Variants in DDX5 observed in about 807,000 individuals in gnomAD.
DDX5 encodes the protein probable ATP-dependent RNA helicase DDX5.
DDX5 carries 6 observed loss-of-function variants against 68.6 expected under a neutral mutation model. The observed-to-expected ratio is 0.09, with a 90% CI of 0.05 to 0.17. DDX5 has a LOEUF of 0.17. Ranked by LOEUF, DDX5 falls within the 10% of genes least tolerant of loss-of-function variation. The pLI is 1.00. For synonymous variants in DDX5, 350 were observed against 247.0 expected (o/e 1.42, Z -3.91); for missense variants, 499 against 756.1 (o/e 0.66, Z 3.99).
At chr17:64,505,925 A>G (rs1170820663) in intron 1 of DDX5, 151 bp downstream of exon 1, 7 of 1,534,398 alleles carry the variant, frequency 4.6e-6, no homozygotes, top group South Asian at 1.2e-5. Flanking sequence ...TGTGACGTGA[A>G]TATCAAAATG....
chr17:64,504,429 C>T (rs1461991520), intron 2 of DDX5, 111 bp from the exon 3 acceptor site: 2 of 1,037,580 alleles, frequency 1.9e-6, no homozygotes, highest in African/African-American at 3.2e-5. Flanking sequence ...AAGTAGCCTT[C>T]ATTTTAATCT....
chr17:64,504,341 C>G, intron 2 of DDX5, 23 bp from the exon 3 acceptor site: 3 of 1,595,980 alleles, frequency 1.9e-6, no homozygotes, highest in Non-Finnish European at 2.6e-6. Flanking sequence ...TTATAACAGT[C>G]TTAAAATTCA....
chr17:64,502,751 G>T, intron 8 of DDX5, 175 bp downstream of exon 8: 1 of 753,892 alleles, frequency 1.3e-6, no homozygotes, highest in Non-Finnish European at 2.1e-6. Flanking sequence ...CTATAGGAAA[G>T]CTATAAATGG....
At chr17:64,506,444 C>T, upstream of DDX5, 18 of 1,327,844 alleles carry the variant, frequency 1.4e-5, no homozygotes, top group Non-Finnish European at 1.8e-5. Flanking sequence ...TCACCCCTCC[C>T]CGCGCCACTC....
intron 8 of DDX5, 145 bp from the exon 9 acceptor site, chr17:64,502,694 G>C (rs2144260186): frequency 2.7e-6 from 2 of 732,716 alleles, no homozygotes; most frequent in East Asian, 5.4e-5. Flanking sequence ...TTATCGAGCA[G>C]TTCGACCCTT....
Position 64,504,233 on chromosome 17 carries a change from G to A in DDX5, c.296C>T (p.Ala99Val), listed in dbSNP as rs1046732563. The A allele has an allele frequency of 6.2e-7, 1 of 1,613,910 alleles. No homozygotes were observed. Among genetic ancestry groups the A allele is most frequent in the Non-Finnish European group, 8.5e-7 (1 of 1,179,958 alleles). Residue 99 changes from alanine (A) to valine (V), a missense_variant, in exon 3 of 13, where the codon GCC (alanine) becomes GTC (valine). Coordinates refer to ENST00000225792, the MANE Select transcript of DDX5 (RefSeq NM_004396.5). Reference protein sequence around the residue: ...CPKPVLNFYEANFPANVMDVI... With the variant: ...CPKPVLNFYEVNFPANVMDVI... ...AAAGTAGCACTTACCAGGGAAATTG[G>A]CTTCATAAAAATTTAGAACTGGCTT...
rs781931667 is a variant in DDX5 at position 64,500,248 on chromosome 17, G to A, written c.1520C>T (p.Thr507Ile). 10 of 1,614,140 alleles carry A rather than the reference G, an allele frequency of 6.2e-6. No homozygotes were observed. The highest frequency in any genetic ancestry group is 3.3e-5 in the Admixed American group (2 of 60,014). The change falls in exon 13 of 13, where the codon ACC becomes ATC. Residue 507 changes from threonine (T) to isoleucine (I), a missense_variant. Physicochemically the swap from Thr to Ile is moderately conservative, Grantham distance 89 (BLOSUM62 -1). Coordinates refer to ENST00000225792, the MANE Select transcript of DDX5 (RefSeq NM_004396.5). ...GTCATAATTTTCCCTGTCTCTAAAG[G>A]TATTAAATCCACCCCTTTTGCCCGC... Reference protein sequence around the residue: ...YSAGKRGGFNTFRDRENYDRG... With the variant: ...YSAGKRGGFNIFRDRENYDRG...
chr17:64,502,919 A>C lies in DDX5; in HGVS notation c.983+7T>G. 2 of 1,574,282 alleles carry C rather than the reference A, an allele frequency of 1.3e-6. No individual in the cohort carries two copies. The highest frequency in any genetic ancestry group is 2.3e-5 in the East Asian group (1 of 44,398). ...GAAGCAAATATAACAGAGTTAATAA[A>C]ACTTACTTTTCATCCTTTTCTACGT... is the stretch of plus-strand genomic sequence containing the variant. On this transcript the variant is annotated splice_region_variant and intron_variant, in intron 8 of 12. Transcript: ENST00000225792.
Position 64,505,514 on chromosome 17 carries a change from G to C in DDX5, c.44+562C>G. 8.3e-6 allele frequency: 5 copies of C among 604,210 alleles called. No individual in the cohort carries two copies. The South Asian group carries it at 9.8e-5, about 12-fold the overall frequency. The allele number at this position is 604,210 out of a possible 1,614,324, so 37.4% of individuals were successfully genotyped here. On this transcript the variant is annotated intron_variant, in intron 1 of 12. Transcript: ENST00000225792. ...GGGGCGGCGCTTCCCCCTTTGTCTCGCATTTCTCTCTGCGCCACATTTTCT... is the reference window on the plus strand; with the variant it reads ...GGGGCGGCGCTTCCCCCTTTGTCTCCCATTTCTCTCTGCGCCACATTTTCT...
intron 8 of DDX5, 168 bp from the exon 9 acceptor site, chr17:64,502,717 A>C (rs1424611115): frequency 2.8e-6 from 2 of 714,740 alleles, no homozygotes; most frequent in African/African-American, 1.8e-5. Context: ...TCCTTAAGTC[A>C]ACCAGGGGAC....
intron 8 of DDX5, 120 bp from the exon 9 acceptor site, chr17:64,502,669 C>T (rs1241563258): frequency 7.5e-6 from 6 of 795,356 alleles, no homozygotes; most frequent in South Asian, 3.5e-5. Context: ...AAAGAGGAAA[C>T]GCCTGCTAAT....
chr17:64,501,747 A>AT (rs2038302317), intron 11 of DDX5: 5 of 549,446 alleles, frequency 9.1e-6, no homozygotes, highest in Non-Finnish European at 1.6e-5. Flanking sequence ...GGCAGAGGTG[A>AT]TATGTTCTGC....
intron 11 of DDX5, chr17:64,501,294 C>G (rs1320470987): frequency 6.2e-6 from 1 of 160,654 alleles, no homozygotes; most frequent in African/African-American, 2.4e-5. Flanking sequence ...TGCACTGTGT[C>G]TCGTCTAGGC....
intron 9 of DDX5, 62 bp downstream of exon 9, chr17:64,502,377 C>T: frequency 6.9e-7 from 1 of 1,451,266 alleles, no homozygotes; most frequent in African/African-American, 1.4e-5. Context: ...GCTCGTGATC[C>T]AAGTTTGCCC....
chr17:64,502,702 C>G, intron 8 of DDX5, 153 bp from the exon 9 acceptor site: 1 of 726,030 alleles, frequency 1.4e-6, no homozygotes, highest in Admixed American at 2.9e-5. Flanking sequence ...CAGTTCGACC[C>G]TTGGTCCTTA....
At chr17:64,506,405 C>G (rs951337667), upstream of DDX5, 7 of 1,393,494 alleles carry the variant, frequency 5.0e-6, no homozygotes, top group Admixed American at 1.8e-4. Flanking sequence ...GGCCGCAACG[C>G]CCGCTGGCGT....
At chr17:64,505,849 A>G (rs2075550) in intron 1 of DDX5, 166,855 of 1,535,898 alleles carry the variant, frequency 0.11, 24,538 homozygotes, top group African/African-American at 0.71. Flanking sequence ...CCGCCCCGAC[A>G]GCTCCCCAAT....
chr17:64,502,124 T>A (rs1555671192), intron 10 of DDX5, 38 bp downstream of exon 10: 4 of 1,613,802 alleles, frequency 2.5e-6, no homozygotes, highest in African/African-American at 1.3e-5. Context: ...CTAGCTAGGT[T>A]AAGTAAGGGG....
rs1265618270 is a variant in DDX5, at chr17:64,498,295, C to T, written c.*1628G>A. Among the ~76,000 whole-genome samples the T allele has an allele frequency of 6.6e-6, 1 of 152,126 alleles. No individual in the cohort carries two copies. Among genetic ancestry groups the T allele is most frequent in the Non-Finnish European group, 1.5e-5 (1 of 68,036 alleles). On this transcript the variant is annotated 3_prime_UTR_variant, in exon 13 of 13. Transcript: ENST00000225792. Reference sequence around the variant, plus strand: ...ATTTATTAGTTAAGACGACCACAGGCTGGACACAACACACATGCTAAAAAG... The same window carrying T: ...ATTTATTAGTTAAGACGACCACAGGTTGGACACAACACACATGCTAAAAAG...
Sources: allele counts gnomAD v4.1 joint callset (sites outside exome capture counted in the v4.1 genomes callset), GRCh38; gene constraint gnomAD v4.1.1; transcripts MANE v1.5; gene names NCBI Gene and HGNC (gene_info 2026-07-23, HGNC 2026-07-21).